Variants in DOP1A observed in about 807,000 individuals in gnomAD.
The protein encoded by DOP1A is protein DOP1A.
In DOP1A, 90 loss-of-function variants were observed where a neutral mutation model predicts 267.6. That is an observed-to-expected ratio of 0.34 (90% CI 0.28 to 0.40). The LOEUF (loss-of-function observed/expected upper bound fraction) is 0.40. Ranked by LOEUF, DOP1A falls within the 10% of genes least tolerant of loss-of-function variation. DOP1A has a pLI of 1.00. For missense variants in DOP1A, 2,437 were observed against 2,900.4 expected (o/e 0.84, Z 3.67); for synonymous variants, 932 against 999.1 (o/e 0.93, Z 1.27).
chr6:83,119,101 T>C, intron 8 of DOP1A, 114 bp downstream of exon 8: 1 of 822,348 alleles, frequency 1.2e-6, no homozygotes, highest in South Asian at 1.6e-5. Flanking sequence ...AAATCTCTTG[T>C]GTAAATGGAC....
intron 1 of DOP1A, among the ~76,000 whole-genome samples, chr6:83,091,988 A>C (rs1419381425): frequency 6.6e-6 from 1 of 152,218 alleles, no homozygotes; most frequent in African/African-American, 2.4e-5. Context: ...TCTGAGAAAC[A>C]GAACTAGAAA....
Position 83,168,019 on chromosome 6 carries a change from G to A in DOP1A, c.7250G>A (p.Gly2417Glu), listed in dbSNP as rs762285166. Reference sequence around the variant, plus strand: ...AGCAAAGTCACAAGCCGATGTGGAGGACACTCAGGGAGTCCTATCCTCTAC... The same window carrying A: ...AGCAAAGTCACAAGCCGATGTGGAGAACACTCAGGGAGTCCTATCCTCTAC... ...FNSKVTSRCGGHSGSPILYSN... is the reference protein window; with the variant it reads ...FNSKVTSRCGEHSGSPILYSN... Residue 2417 changes from glycine (G) to glutamate (E), a missense_variant, in exon 39 of 39, where the codon GGA becomes GAA. By Grantham distance (98) the Gly-to-Glu change is moderately conservative. Transcript: ENST00000349129. 1 of 1,614,164 alleles carries A rather than the reference G, an allele frequency of 6.2e-7. No individual in the cohort carries two copies. The highest frequency in any genetic ancestry group is 8.5e-7 in the Non-Finnish European group (1 of 1,180,038).
chr6:83,115,499 G>A (rs1365012909), intron 7 of DOP1A, among the ~76,000 whole-genome samples: 2 of 152,126 alleles, frequency 1.3e-5, no homozygotes, highest in Admixed American at 6.5e-5. Context: ...GAGGCAAGCG[G>A]ATTACGAGGT....
At chr6:83,093,294 G>T (rs1291792389) in intron 1 of DOP1A, among the ~76,000 whole-genome samples, 1 of 152,144 alleles carries the variant, frequency 6.6e-6, no homozygotes. Context: ...CCAAAGATAG[G>T]CTTTGGGACT....
At chr6:83,147,429 A>T (rs1413593546) in intron 26 of DOP1A, 138 bp downstream of exon 26, 1 of 401,562 alleles carries the variant, frequency 2.5e-6, no homozygotes, top group East Asian at 3.6e-5. Flanking sequence ...ACCTAAGGAT[A>T]TTGAAGATTC....
intron 1 of DOP1A, among the ~76,000 whole-genome samples, chr6:83,088,311 C>T (rs1451356915): frequency 2.0e-5 from 3 of 151,646 alleles, no homozygotes; most frequent in African/African-American, 7.3e-5. Context: ...TTTGAGACAA[C>T]AGTAAGGGCA....
chr6:83,082,912 A>G (rs1768392403), intron 1 of DOP1A, among the ~76,000 whole-genome samples: 1 of 151,750 alleles, frequency 6.6e-6, no homozygotes, highest in Non-Finnish European at 1.5e-5. Flanking sequence ...GGTTCAAGCA[A>G]TTCTTCTGCC....
At chr6:83,069,566 A>G (rs1785265310) in intron 1 of DOP1A, among the ~76,000 whole-genome samples, 1 of 152,136 alleles carries the variant, frequency 6.6e-6, no homozygotes, top group Non-Finnish European at 1.5e-5. Flanking sequence ...TTTGGCTGTC[A>G]TTTTAAACTT....
At chr6:83,125,246 A>C in intron 14 of DOP1A, 51 bp downstream of exon 14, 1 of 1,513,936 alleles carries the variant, frequency 6.6e-7, no homozygotes, top group African/African-American at 1.4e-5. Context: ...TACTTTTGTT[A>C]TATTATAATT....
rs766151881 is a variant in DOP1A, at chr6:83,159,838, A to C, written c.6840A>C (p.Thr2280=). ...PSVAGLETTY[T]GGNGFSTSYN... is the part of the protein sequence containing the mutation. The stretch of plus-strand genomic sequence containing the variant: ...TGGCTGGTCTGGAGACAACGTACAC[A>C]GGAGGTAATGGCTTCTCTACTTCAT... Residue 2280 remains threonine, a synonymous_variant, in exon 37 of 39, where the codon ACA becomes ACC. Coordinates refer to ENST00000349129, the MANE Select transcript of DOP1A (RefSeq NM_015018.4). 6.2e-7 allele frequency: 1 copy of C among 1,614,054 alleles called. No individual in the cohort carries two copies. The highest frequency in any genetic ancestry group is 1.3e-5 in the African/African-American group (1 of 74,918).
intron 18 of DOP1A, 105 bp downstream of exon 18, chr6:83,132,433 C>T (rs1395117384): frequency 1.6e-6 from 2 of 1,244,850 alleles, no homozygotes; most frequent in East Asian, 2.5e-5. Flanking sequence ...CAATTAACAT[C>T]GGAGTAAGAG....
chr6:83,145,100 C>G (rs1297659901), intron 24 of DOP1A, among the ~76,000 whole-genome samples: 5 of 112,666 alleles, frequency 4.4e-5, no homozygotes, highest in African/African-American at 1.8e-4. Context: ...AAGACCCCAT[C>G]TCAAAAAATA....
At chr6:83,107,909 A>T (rs535882777) in intron 4 of DOP1A, among the ~76,000 whole-genome samples, 1 of 152,364 alleles carries the variant, frequency 6.6e-6, no homozygotes, top group African/African-American at 2.4e-5. Context: ...GGTGAGTATC[A>T]GTGGATTGTA....
At position 83,168,031 on chromosome 6, in the gene DOP1A, G is replaced by T. The variant is rs750457901; in HGVS notation, c.7262G>T (p.Ser2421Ile). 1.1e-5 allele frequency: 18 copies of T among 1,614,030 alleles called. No homozygotes were observed. The South Asian group carries it at 2.0e-4, about 18-fold the overall frequency. ...VTSRCGGHSG[S>I]PILYSNAFPN... Reference sequence around the variant, plus strand: ...AGCCGATGTGGAGGACACTCAGGGAGTCCTATCCTCTACTCAAATGCCTTC... The same window carrying T: ...AGCCGATGTGGAGGACACTCAGGGATTCCTATCCTCTACTCAAATGCCTTC... Residue 2421 changes from serine to isoleucine, a missense_variant, in exon 39 of 39, where the codon AGT becomes ATT. Physicochemically the swap from Ser to Ile is moderately radical, Grantham distance 142. Coordinates refer to ENST00000349129, the MANE Select transcript of DOP1A (RefSeq NM_015018.4).
chr6:83,153,734 T>G, intron 31 of DOP1A, 114 bp downstream of exon 31: 2 of 1,168,356 alleles, frequency 1.7e-6, no homozygotes, highest in East Asian at 5.4e-5. Context: ...TTACCTTGAA[T>G]TATAATTGTT....
chr6:83,078,227 T>C (rs775444097), intron 1 of DOP1A, among the ~76,000 whole-genome samples: 37 of 152,338 alleles, frequency 2.4e-4, no homozygotes, highest in Non-Finnish European at 4.3e-4. Flanking sequence ...TATGAAGGCT[T>C]TATATGGCTA....
chr6:83,091,424 AT>A (rs1770378655), intron 1 of DOP1A, among the ~76,000 whole-genome samples: 2 of 149,926 alleles, frequency 1.3e-5, no homozygotes. Flanking sequence ...ATAAACATAT[AT>A]CAAACAAACA....
chr6:83,171,256 A>G (rs1040363631), downstream of DOP1A: 7 of 152,216 alleles, frequency 4.6e-5, no homozygotes, highest in African/African-American at 1.4e-4. Context: ...AGCTGGGTAC[A>G]CAAAAGTTCA....
intron 3 of DOP1A, among the ~76,000 whole-genome samples, chr6:83,100,402 A>G (rs936857487): frequency 1.3e-5 from 2 of 152,170 alleles, no homozygotes; most frequent in Non-Finnish European, 2.9e-5. Flanking sequence ...CACATCAAAT[A>G]TTAAAAATTT....
Sources: gnomAD v4.1 joint callset for allele counts (sites outside exome capture counted in the v4.1 genomes callset) on GRCh38, gnomAD v4.1.1 for gene constraint, MANE v1.5 for transcripts, NCBI Gene and HGNC (gene_info 2026-07-23, HGNC 2026-07-21) for gene names.